The following CDC14B variants were observed in gnomAD, a reference collection of about 807,000 sequenced individuals.
CDC14B encodes dual specificity protein phosphatase CDC14B.
In CDC14B, 22 loss-of-function variants were observed where a neutral mutation model predicts 64.2. That is an observed-to-expected ratio of 0.34 (90% confidence interval 0.24 to 0.49). The LOEUF (loss-of-function observed/expected upper bound fraction) is 0.49, where lower values mean the gene tolerates loss of function less well. CDC14B is among the 20% of genes least tolerant of loss of function. The pLI is 0.99. For missense variants in CDC14B, 498 were observed against 629.9 expected (o/e 0.79, Z 2.24); for synonymous variants, 191 against 215.8 (o/e 0.89, Z 1.01).
intron 6 of CDC14B, among the ~76,000 whole-genome samples, chr9:96,540,306 C>T (rs16911158): frequency 0.028 from 4,278 of 152,146 alleles, 174 homozygotes; most frequent in African/African-American, 0.097. Context: ...AATGCTTACA[C>T]TGCAAATCAG....
At chr9:96,567,217 G>A in intron 1 of CDC14B, 2 of 229,518 alleles carry the variant, frequency 8.7e-6, no homozygotes, top group Non-Finnish European at 8.6e-6. Context: ...AAGAGTCTGG[G>A]AAAGCTCCTT....
At chr9:96,551,759 T>G in intron 5 of CDC14B, 37 bp downstream of exon 5, 8 of 1,595,052 alleles carry the variant, frequency 5.0e-6, no homozygotes, top group Non-Finnish European at 6.8e-6. Context: ...GGCAAGGATC[T>G]GATTACCTGA....
chr9:96,530,111 C>T (rs1039932374), intron 9 of CDC14B, among the ~76,000 whole-genome samples: 5 of 152,042 alleles, frequency 3.3e-5, no homozygotes, highest in Admixed American at 1.3e-4. Flanking sequence ...ATATTTGATT[C>T]TTCTTGATGC....
intron 12 of CDC14B, among the ~76,000 whole-genome samples, chr9:96,514,155 G>T (rs1835291028): frequency 1.3e-5 from 2 of 152,142 alleles, no homozygotes; most frequent in Admixed American, 1.3e-4. Flanking sequence ...ACAACAGAAG[G>T]TATAGTTTAC....
chr9:96,503,515 T>A lies in CDC14B; in HGVS notation c.*238A>T. On this transcript the variant is annotated 3_prime_UTR_variant, in exon 14 of 14. Coordinates refer to ENST00000375241, the MANE Select transcript of CDC14B (RefSeq NM_033331.4). ...GGGTATTTACACCTGAGACTAAATT[T>A]ACAACAGCATGTTTGTCATTCAGCT... The A allele has an allele frequency of 1.9e-6, 1 of 538,044 alleles. No individual in the cohort carries two copies. Among genetic ancestry groups the A allele is most frequent in the Non-Finnish European group, 3.3e-6 (1 of 306,708 alleles). 33.3% of individuals were successfully genotyped at this position (538,044 alleles called of 1,614,324 possible).
intron 1 of CDC14B, among the ~76,000 whole-genome samples, chr9:96,612,959 T>C (rs1171076308): frequency 1.3e-5 from 2 of 152,220 alleles, no homozygotes; most frequent in African/African-American, 4.8e-5. Flanking sequence ...TTTTGCTCAT[T>C]TTCCTCAAAT....
chr9:96,566,895 CG>C (rs1844076413), intron 1 of CDC14B: 1 of 1,550,728 alleles, frequency 6.4e-7, no homozygotes. Flanking sequence ...ACCACACCCC[CG>C]AAGTTTAAAA....
intron 4 of CDC14B, among the ~76,000 whole-genome samples, chr9:96,554,565 C>A (rs1004694052): frequency 9.2e-5 from 14 of 152,070 alleles, no homozygotes; most frequent in African/African-American, 2.9e-4. Flanking sequence ...GGGGAAAAAA[C>A]CCCTAAATTC....
chr9:96,600,484 G>A (rs1311171689), intron 1 of CDC14B, among the ~76,000 whole-genome samples: 2 of 151,720 alleles, frequency 1.3e-5, no homozygotes, highest in African/African-American at 2.4e-5. Flanking sequence ...GGGATAAGGA[G>A]AGAGTATTCT....
chr9:96,493,628 A>G (rs1308326569), intron 13 of CDC14B, among the ~76,000 whole-genome samples: 1 of 152,120 alleles, frequency 6.6e-6, no homozygotes, highest in Non-Finnish European at 1.5e-5. Flanking sequence ...CCAGGAGCTC[A>G]AGACCAGCCT....
chr9:96,618,659 G>A, intron 1 of CDC14B: 1 of 519,756 alleles, frequency 1.9e-6, no homozygotes, highest in Non-Finnish European at 3.9e-6. Context: ...CAGGGCGCGG[G>A]AGGCCCAGGA....
intron 1 of CDC14B, among the ~76,000 whole-genome samples, chr9:96,594,591 C>T (rs1470855587): frequency 3.3e-5 from 5 of 151,798 alleles, no homozygotes; most frequent in Non-Finnish European, 7.4e-5. Context: ...GTGATGCATG[C>T]CTGTAATCCC....
chr9:96,557,835 G>A (rs577920719), intron 4 of CDC14B, among the ~76,000 whole-genome samples: 1 of 152,282 alleles, frequency 6.6e-6, no homozygotes, highest in South Asian at 2.1e-4. Context: ...AAACATTAGA[G>A]GAAAGCAAAT....
intron 12 of CDC14B, among the ~76,000 whole-genome samples, chr9:96,511,659 A>C (rs1467526779): frequency 1.3e-5 from 2 of 151,974 alleles, no homozygotes; most frequent in Non-Finnish European, 2.9e-5. Context: ...ATTTCACTTT[A>C]CTCATGCAGG....
intron 1 of CDC14B, among the ~76,000 whole-genome samples, chr9:96,598,600 G>T (rs960477563): frequency 1.3e-5 from 2 of 152,128 alleles, no homozygotes; most frequent in Non-Finnish European, 2.9e-5. Flanking sequence ...CTCCCAAAGT[G>T]CTGGGATTAT....
downstream of CDC14B, among the ~76,000 whole-genome samples, chr9:96,496,739 C>G (rs1047699657): frequency 2.0e-5 from 3 of 152,254 alleles, no homozygotes; most frequent in African/African-American, 7.2e-5. Flanking sequence ...GGACCCGCTC[C>G]CGGGGAGCCC....
chr9:96,601,794 G>GAA (rs35472518), intron 1 of CDC14B, among the ~76,000 whole-genome samples: 31 of 68,240 alleles, frequency 4.5e-4, no homozygotes, highest in African/African-American at 6.5e-4. Flanking sequence ...ACGCTGTCTC[G>GAA]AAAAAAAAAA....
At chr9:96,496,607 C>A (rs1288063864), downstream of CDC14B, among the ~76,000 whole-genome samples, 1 of 152,242 alleles carries the variant, frequency 6.6e-6, no homozygotes. Flanking sequence ...CCTGCCGGGG[C>A]GCTCCGTGCG....
chr9:96,619,131 G>A (rs1364573572), intron 1 of CDC14B, 88 bp downstream of exon 1: 3 of 1,089,314 alleles, frequency 2.8e-6, no homozygotes, highest in Non-Finnish European at 3.5e-6. Context: ...GGCCCCGGAG[G>A]CCCCGGGCAG....
Sources: gnomAD v4.1 joint callset for allele counts (sites outside exome capture counted in the v4.1 genomes callset) on GRCh38, gnomAD v4.1.1 for gene constraint, MANE v1.5 for transcripts, NCBI Gene and HGNC (gene_info 2026-07-23, HGNC 2026-07-21) for gene names.